Variants in SUGT1 observed in about 807,000 individuals in gnomAD.
The protein encoded by SUGT1 is protein SGT1 homolog.
Under a neutral mutation model 56.1 loss-of-function variants are expected in SUGT1, and 15 were observed. The ratio of observed to expected loss-of-function variants is 0.27; its 90% CI spans 0.18 to 0.41. The LOEUF is 0.41. Ranked by LOEUF, SUGT1 falls within the 10% of genes least tolerant of loss-of-function variation. The pLI is 1.00. For synonymous variants in SUGT1, 123 were observed against 128.6 expected (o/e 0.96, Z 0.30); for missense variants, 347 against 382.2 (o/e 0.91, Z 0.77).
chr13:52,683,213 C>T (rs1182181587), intron 12 of SUGT1, among the ~76,000 whole-genome samples: 2 of 152,114 alleles, frequency 1.3e-5, no homozygotes, highest in African/African-American at 4.8e-5. Context: ...TCTGTTGTTT[C>T]ATCATTAAGT....
At chr13:52,681,836 T>TAA (rs35537047) in intron 12 of SUGT1, among the ~76,000 whole-genome samples, 3,352 of 133,938 alleles carry the variant, frequency 0.025, 120 homozygotes, top group African/African-American at 0.076. Context: ...CCTATCTCTT[T>TAA]AAAAAAAAAA....
At chr13:52,657,910 C>T (rs1431203647) in intron 3 of SUGT1, among the ~76,000 whole-genome samples, 3 of 152,032 alleles carry the variant, frequency 2.0e-5, no homozygotes, top group Admixed American at 6.6e-5. Flanking sequence ...ATGAAATGCT[C>T]GTTTAAATTT....
chr13:52,680,484 G>A (rs1963327654), intron 12 of SUGT1, among the ~76,000 whole-genome samples: 1 of 152,142 alleles, frequency 6.6e-6, no homozygotes, highest in East Asian at 1.9e-4. Context: ...CTCAGTGTTA[G>A]AGATGAAGAA....
In SUGT1 at chr13:52,690,743, T is replaced by C. The variant is rs1289214399; in HGVS notation, c.*2908T>C. The C allele has an allele frequency of 1.3e-5, 2 of 152,270 alleles. No homozygotes were observed. The highest frequency in any genetic ancestry group is 4.8e-5 in the African/African-American group (2 of 41,460). The allele number at this position is 152,270 out of a possible 1,614,324, so 9.4% of individuals were successfully genotyped here. On this transcript the variant is annotated 3_prime_UTR_variant, in exon 13 of 13. Coordinates refer to ENST00000310528, the MANE Select transcript of SUGT1 (RefSeq NM_006704.5). ...TACCCATTCAGAGTTGACTGCCAAC[T>C]AACAAGCTCAGCCTTTAGCACTGGC...
rs1298685049 is a variant in SUGT1, at chr13:52,696,948, G to A, written c.*9113G>A. 1 of 109,182 alleles carries A rather than the reference G, an allele frequency of 9.2e-6. No homozygotes were observed. Among genetic ancestry groups the A allele is most frequent in the Non-Finnish European group, 1.9e-5 (1 of 53,304 alleles). 6.8% of individuals were successfully genotyped at this position (109,182 alleles called of 1,614,324 possible). On this transcript the variant is annotated 3_prime_UTR_variant, in exon 13 of 13. Transcript: ENST00000310528. ...TTTTTTTTTTTTGCTATTTAATTTT[G>A]AGATACCATTTTTTGGAGGGGTGTC...
Position 52,665,652 on chromosome 13 carries a change from A to G in SUGT1, c.438A>G (p.Gln146=). The G allele has an allele frequency of 6.3e-7, 1 of 1,592,060 alleles. No homozygotes were observed. Among genetic ancestry groups the G allele is most frequent in the South Asian group, 1.2e-5 (1 of 86,846 alleles). The change falls in exon 9 of 13, where the codon CAA becomes CAG. Residue 146 remains glutamine (Q), a synonymous_variant. Coordinates refer to ENST00000310528, the MANE Select transcript of SUGT1 (RefSeq NM_006704.5). ...HQSKIKYDWY[Q]TESQVVITLM... ...TTTTTAATAGGTATGACTGGTATCA[A>G]ACAGAATCTCAAGTAGTCATTACAC...
intron 10 of SUGT1, 34 bp downstream of exon 10, chr13:52,666,953 T>A: frequency 6.9e-7 from 1 of 1,444,268 alleles, no homozygotes; most frequent in Non-Finnish European, 9.6e-7. Context: ...ACTAGTAATA[T>A]TTTCAAAATT....
intron 12 of SUGT1, 34 bp from the exon 13 acceptor site, chr13:52,687,699 TC>T: frequency 6.6e-7 from 1 of 1,503,770 alleles, no homozygotes; most frequent in South Asian, 1.3e-5. Flanking sequence ...GATTATATGG[TC>T]CAGGAATTAA....
Position 52,658,396 on chromosome 13 carries a change from C to T in SUGT1, c.188-3C>T. ...GACTAAAAACCCGTCTTTTTCTACACAGTTGCTGTTGCTGATGCAAAGAAG... is the reference window on the plus strand; with the variant it reads ...GACTAAAAACCCGTCTTTTTCTACATAGTTGCTGTTGCTGATGCAAAGAAG... On this transcript the variant is annotated splice_region_variant and splice_polypyrimidine_tract_variant and intron_variant, in intron 3 of 12. Transcript: ENST00000310528. The T allele has an allele frequency of 6.2e-7, 1 of 1,612,344 alleles. No homozygotes were observed. The highest frequency in any genetic ancestry group is 1.1e-5 in the South Asian group (1 of 90,576).
chr13:52,693,179 A>G lies in SUGT1; in HGVS notation c.*5344A>G, dbSNP rs1404752950. 1 of 151,912 alleles carries G rather than the reference A, an allele frequency of 6.6e-6. No homozygotes were observed. The highest frequency in any genetic ancestry group is 2.4e-5 in the African/African-American group (1 of 41,346). The allele number at this position is 151,912 out of a possible 1,614,324, so 9.4% of individuals were successfully genotyped here. A position where few individuals can be genotyped will look rare whatever the true frequency, so the allele number is the denominator to read the frequency against. ...AGTCTTAAATATTTGGTATGCCTTC[A>G]CATTTGGATTTTTAGTTTTATTTTT... is the stretch of plus-strand genomic sequence containing the variant. On this transcript the variant is annotated 3_prime_UTR_variant, in exon 13 of 13. Coordinates refer to ENST00000310528, the MANE Select transcript of SUGT1 (RefSeq NM_006704.5).
intron 10 of SUGT1, among the ~76,000 whole-genome samples, chr13:52,672,450 A>G (rs1203484309): frequency 6.6e-6 from 1 of 152,128 alleles, no homozygotes; most frequent in Non-Finnish European, 1.5e-5. Context: ...ATTCATTGCC[A>G]TTTTTTTGCA....
intron 11 of SUGT1, among the ~76,000 whole-genome samples, chr13:52,676,924 T>A: frequency 6.6e-6 from 1 of 152,278 alleles, no homozygotes; most frequent in African/African-American, 2.4e-5. Flanking sequence ...GTATGTGCAA[T>A]AACTAGGTAA....
Position 52,694,720 on chromosome 13 carries a change from T to C in SUGT1, c.*6885T>C, listed in dbSNP as rs6561683. The C allele has an allele frequency of 0.96, 145,811 of 152,420 alleles. 69,764 individuals are homozygous for C. The highest frequency in any genetic ancestry group is 0.99 in the East Asian group (5,148 of 5,192). 9.4% of individuals were successfully genotyped at this position (152,420 alleles called of 1,614,324 possible). ...TGTTTTTGTTTTTGAGACGGAGTCT[T>C]GCTCTGTCGCCCAGGCTGGAGTGCA... On this transcript the variant is annotated 3_prime_UTR_variant, in exon 13 of 13. Coordinates refer to ENST00000310528, the MANE Select transcript of SUGT1 (RefSeq NM_006704.5).
chr13:52,668,588 G>A (rs937100005), intron 10 of SUGT1, among the ~76,000 whole-genome samples: 8 of 152,100 alleles, frequency 5.3e-5, no homozygotes, highest in African/African-American at 1.9e-4. Flanking sequence ...TAGAAAGTGA[G>A]GAAAGGGATG....
At chr13:52,676,621 T>C (rs1307646154) in intron 11 of SUGT1, among the ~76,000 whole-genome samples, 2 of 152,204 alleles carry the variant, frequency 1.3e-5, no homozygotes, top group African/African-American at 4.8e-5. Flanking sequence ...TGGCCCTTCC[T>C]GTTGTTTCTT....
rs556021844 is a variant in SUGT1, at chr13:52,657,581, G to A, written c.146G>A (p.Cys49Tyr). The change falls in exon 3 of 13, where the codon TGT becomes TAT. Residue 49 changes from cysteine (C) to tyrosine (Y), a missense_variant. Coordinates refer to ENST00000310528, the MANE Select transcript of SUGT1 (RefSeq NM_006704.5). ...AAACCAGATGATGCACAGTATTATT[G>A]TCAAAGAGCTTATTGTCACATTCTT... is the stretch of plus-strand genomic sequence containing the variant. ...EQKPDDAQYY[C>Y]QRAYCHILLG... 59 of 1,613,534 alleles carry A rather than the reference G, an allele frequency of 3.7e-5. No homozygotes were observed. The highest frequency in any genetic ancestry group is 4.8e-5 in the Non-Finnish European group (57 of 1,179,764).
chr13:52,695,180 A>G lies in SUGT1; in HGVS notation c.*7345A>G, dbSNP rs576949612. ...TGTGGCTTGAAGTGACTGAAAGTGA[A>G]CACATTCATAAGTAATGAGCTTAGG... is the stretch of plus-strand genomic sequence containing the variant. On this transcript the variant is annotated 3_prime_UTR_variant, in exon 13 of 13. Transcript: ENST00000310528. 4 of 152,342 alleles carry G rather than the reference A, an allele frequency of 2.6e-5. No homozygotes were observed. Among genetic ancestry groups the G allele is most frequent in the African/African-American group, 9.6e-5 (4 of 41,576 alleles). The allele number at this position is 152,342 out of a possible 1,614,324, so 9.4% of individuals were successfully genotyped here. A position where few individuals can be genotyped will look rare whatever the true frequency, so the allele number is the denominator to read the frequency against.
intron 12 of SUGT1, among the ~76,000 whole-genome samples, chr13:52,681,403 G>A (rs1487230681): frequency 1.7e-4 from 25 of 149,138 alleles, no homozygotes; most frequent in Non-Finnish European, 3.0e-4. Flanking sequence ...CTGGGCAACA[G>A]AGACCCTGTC....
At chr13:52,666,278 T>C (rs1011815538) in intron 9 of SUGT1, among the ~76,000 whole-genome samples, 1 of 152,154 alleles carries the variant, frequency 6.6e-6, no homozygotes, top group Middle Eastern at 3.2e-3. Flanking sequence ...GGTTTCACCA[T>C]GTTGGCCAGG....
Sources: gnomAD v4.1 joint callset for allele counts (sites outside exome capture counted in the v4.1 genomes callset) on GRCh38, gnomAD v4.1.1 for gene constraint, MANE v1.5 for transcripts, NCBI Gene and HGNC (gene_info 2026-07-23, HGNC 2026-07-21) for gene names.